Variants in ANGPT2 observed in about 807,000 individuals in gnomAD.
ANGPT2 encodes the protein angiopoietin-2.
Under a neutral mutation model 62.9 loss-of-function variants are expected in ANGPT2, and 28 were observed. That is an observed-to-expected ratio of 0.44 (90% CI 0.33 to 0.61). The LOEUF (loss-of-function observed/expected upper bound fraction) is 0.61, where lower values mean the gene tolerates loss of function less well. ANGPT2 is among the 20% of genes least tolerant of loss of function. The probability of loss-of-function intolerance (pLI) is 0.03; values close to 1 mark genes in which losing one functional copy is unlikely to be tolerated. For synonymous variants in ANGPT2, 284 were observed against 207.8 expected, an observed-to-expected ratio of 1.37 and a Z score of -3.15; for missense variants, 727 against 594.9, an observed-to-expected ratio of 1.22 and a Z score of -2.31.
chr8:6,558,926 A>G (rs544622710), intron 1 of ANGPT2, among the ~76,000 whole-genome samples: 2 of 152,302 alleles, frequency 1.3e-5, no homozygotes, highest in African/African-American at 2.4e-5. Flanking sequence ...ACAGTAAACT[A>G]TATTTGTATT....
chr8:6,558,389 T>C (rs1277693589), intron 1 of ANGPT2, among the ~76,000 whole-genome samples: 1 of 152,236 alleles, frequency 6.6e-6, no homozygotes, highest in Non-Finnish European at 1.5e-5. Flanking sequence ...ATTACTCCCA[T>C]GGCGGTAGAG....
intron 3 of ANGPT2, among the ~76,000 whole-genome samples, chr8:6,522,050 A>G (rs550213590): frequency 6.6e-6 from 1 of 152,258 alleles, no homozygotes; most frequent in African/African-American, 2.4e-5. Context: ...GTGAGGAACA[A>G]ATGGGTTTTA....
At position 6,563,224 on chromosome 8, in the gene ANGPT2, C is replaced by G. The variant is rs1294825623; in HGVS notation, c.-290G>C. 3.9e-6 allele frequency: 1 copy of G among 258,424 alleles called. No individual in the cohort carries two copies. Among genetic ancestry groups the G allele is most frequent in the Non-Finnish European group, 7.6e-6 (1 of 130,974 alleles). The allele number at this position is 258,424 out of a possible 1,614,324, so 16.0% of individuals were successfully genotyped here. A position where few individuals can be genotyped will look rare whatever the true frequency, so the allele number is the denominator to read the frequency against. On this transcript the variant is annotated 5_prime_UTR_variant, in exon 1 of 9. Transcript: ENST00000629816. ...CTTTCACGGTCCTTTGTTCCTCTCTCCCCAGATCCTACAGTGTCAGTATCC... is the reference window on the plus strand; with the variant it reads ...CTTTCACGGTCCTTTGTTCCTCTCTGCCCAGATCCTACAGTGTCAGTATCC...
At position 6,502,848 on chromosome 8, in the gene ANGPT2, C is replaced by A; in HGVS notation, c.*253G>T. ...AAACTGTCAGTCTGATTCTCAGCCT[C>A]GGGTTCATCTTTGCATAGGTGTTCT... On this transcript the variant is annotated 3_prime_UTR_variant, in exon 9 of 9. Transcript: ENST00000629816. The A allele has an allele frequency of 2.2e-6, 1 of 448,728 alleles. No individual in the cohort carries two copies. Among genetic ancestry groups the A allele is most frequent in the Admixed American group, 3.9e-5 (1 of 25,842 alleles). The allele number at this position is 448,728 out of a possible 1,614,324, so 27.8% of individuals were successfully genotyped here. A position where few individuals can be genotyped will look rare whatever the true frequency, so the allele number is the denominator to read the frequency against.
chr8:6,560,031 C>T (rs914616180), intron 1 of ANGPT2, among the ~76,000 whole-genome samples: 2 of 152,260 alleles, frequency 1.3e-5, no homozygotes, highest in East Asian at 3.9e-4. Context: ...AGTCTAAGCT[C>T]CCTAGGCTAT....
At chr8:6,524,055 A>C (rs1394070732) in intron 3 of ANGPT2, among the ~76,000 whole-genome samples, 1 of 152,212 alleles carries the variant, frequency 6.6e-6, no homozygotes, top group Non-Finnish European at 1.5e-5. Flanking sequence ...AAAGCTTTCA[A>C]AATATAGACA....
intron 7 of ANGPT2, among the ~76,000 whole-genome samples, chr8:6,512,034 C>G (rs1275209804): frequency 6.6e-6 from 1 of 151,742 alleles, no homozygotes; most frequent in Non-Finnish European, 1.5e-5. Context: ...TCTTTGGAGT[C>G]AAGTTGGAAC....
At chr8:6,504,389 C>G (rs148062929) in intron 8 of ANGPT2, among the ~76,000 whole-genome samples, 1 of 151,770 alleles carries the variant, frequency 6.6e-6, no homozygotes, top group East Asian at 1.9e-4. Flanking sequence ...GATAAAATCT[C>G]CTGATGCCCA....
chr8:6,508,681 T>C, intron 8 of ANGPT2: 2 of 599,024 alleles, frequency 3.3e-6, no homozygotes, highest in African/African-American at 1.9e-5. Flanking sequence ...AAATATCCCC[T>C]CTCCTTGCCA....
chr8:6,525,024 G>A (rs973338492), intron 3 of ANGPT2, among the ~76,000 whole-genome samples: 3 of 152,190 alleles, frequency 2.0e-5, no homozygotes, highest in Admixed American at 2.0e-4. Flanking sequence ...GTAAAATGAA[G>A]GCATTCGATT....
At chr8:6,537,424 G>C (rs1335331514) in intron 1 of ANGPT2, among the ~76,000 whole-genome samples, 2 of 152,030 alleles carry the variant, frequency 1.3e-5, no homozygotes, top group African/African-American at 4.8e-5. Flanking sequence ...GATCCTTCTA[G>C]CTGCATGGTT....
rs749213090 is a variant in ANGPT2, at chr8:6,562,774, C to T, written c.161G>A (p.Arg54His). 3 of 1,613,882 alleles carry T rather than the reference C, an allele frequency of 1.9e-6. No homozygotes were observed. The highest frequency in any genetic ancestry group is 1.7e-5 in the Admixed American group (1 of 59,990). ...GGACACGTAGGGGCTGGAGGAAGAG[C>T]GGCAGTTGTCCATCTCTGGCAGGAG... is the stretch of plus-strand genomic sequence containing the variant. ...TFLLPEMDNC[R>H]SSSSPYVSNA... Residue 54 changes from arginine to histidine, a missense_variant, in exon 1 of 9, where the codon CGC (arginine) becomes CAC (histidine). Physicochemically the swap from Arg to His is conservative, Grantham distance 29 (BLOSUM62 0). Coordinates refer to ENST00000629816, the MANE Select transcript of ANGPT2 (RefSeq NM_001118887.2).
chr8:6,521,359 T>C lies in ANGPT2; in HGVS notation c.618A>G (p.Leu206=). The C allele has an allele frequency of 1.2e-6, 2 of 1,613,742 alleles. No individual in the cohort carries two copies. Among genetic ancestry groups the C allele is most frequent in the East Asian group, 2.2e-5 (1 of 44,822 alleles). Residue 206 remains leucine (L), a synonymous_variant, in exon 4 of 9, where the codon CTA becomes CTG. Coordinates refer to ENST00000629816, the MANE Select transcript of ANGPT2 (RefSeq NM_001118887.2). ...GATCTTTCTCTTCTTTTATTGACTG[T>C]AGTTGGATGATGTGCTTGTCTTCCA... ...LAMEDKHIIQ[L]QSIKEEKDQL... is the part of the protein sequence containing the mutation.
intron 7 of ANGPT2, among the ~76,000 whole-genome samples, chr8:6,509,468 G>T (rs1814502978): frequency 6.6e-6 from 1 of 152,184 alleles, no homozygotes; most frequent in African/African-American, 2.4e-5. Flanking sequence ...TTCCGCAGGG[G>T]GCCCCGGGGG....
chr8:6,541,040 G>A (rs1220766828), intron 1 of ANGPT2, among the ~76,000 whole-genome samples: 1 of 152,118 alleles, frequency 6.6e-6, no homozygotes, highest in Non-Finnish European at 1.5e-5. Context: ...TGCCGAGGAG[G>A]CTCTCATGGG....
intron 2 of ANGPT2, among the ~76,000 whole-genome samples, chr8:6,531,720 G>A (rs1051641323): frequency 7.2e-5 from 11 of 152,204 alleles, no homozygotes; most frequent in African/African-American, 2.7e-4. Context: ...CCCAGAAAAG[G>A]TGAGTGCCTC....
chr8:6,534,265 A>G (rs185472943), intron 1 of ANGPT2, among the ~76,000 whole-genome samples: 92 of 152,360 alleles, frequency 6.0e-4, no homozygotes, highest in Non-Finnish European at 6.2e-4. Flanking sequence ...ACAGTATAGC[A>G]ACTATTTACA....
At chr8:6,508,817 G>A (rs2515416) in intron 8 of ANGPT2, 115 bp downstream of exon 8, 189,058 of 1,395,764 alleles carry the variant, frequency 0.14, 15,380 homozygotes, top group African/African-American at 0.38. Flanking sequence ...GTGTGTCTAC[G>A]TATGAAATTG....
At chr8:6,526,641 C>T (rs995701978) in intron 3 of ANGPT2, among the ~76,000 whole-genome samples, 10 of 152,132 alleles carry the variant, frequency 6.6e-5, no homozygotes, top group African/African-American at 2.4e-4. Context: ...ATTATTTCAG[C>T]TTAGTTCTTG....
Sources: gnomAD v4.1 joint callset for allele counts (sites outside exome capture counted in the v4.1 genomes callset) on GRCh38, gnomAD v4.1.1 for gene constraint, MANE v1.5 for transcripts, NCBI Gene and HGNC (gene_info 2026-07-23, HGNC 2026-07-21) for gene names.